Variants in BCL2 observed in about 807,000 individuals in gnomAD.
BCL2 encodes the protein BCL2 apoptosis regulator, also known as apoptosis regulator Bcl-2.
BCL2 carries 1 observed loss-of-function variant against 14.2 expected under a neutral mutation model. The ratio of observed to expected loss-of-function variants is 0.07; its 90% CI spans 0.02 to 0.33. The LOEUF (loss-of-function observed/expected upper bound fraction) is 0.33. Among genes scored for constraint, BCL2 ranks in the 10% least tolerant of loss-of-function variants. BCL2 has a pLI of 0.99. For missense variants in BCL2, 247 were observed against 305.9 expected (o/e 0.81, Z 1.44); for synonymous variants, 151 against 137.2 (o/e 1.10, Z -0.70).
chr18:63,242,833 G>A (rs1297723506), intron 2 of BCL2, among the ~76,000 whole-genome samples: 1 of 152,144 alleles, frequency 6.6e-6, no homozygotes, highest in Non-Finnish European at 1.5e-5. Context: ...CTGGGTTTGG[G>A]GTAAGATGTA....
At position 63,318,373 on chromosome 18, in the gene BCL2, G is replaced by T; in HGVS notation, c.294C>A (p.Arg98=). 6.2e-7 allele frequency: 1 copy of T among 1,600,762 alleles called. No individual in the cohort carries two copies. Among genetic ancestry groups the T allele is most frequent in the South Asian group, 1.1e-5 (1 of 88,696 alleles). ...GGCGGGAGAAGTCGTCGCCGGCCTG[G>T]CGGAGGGTCAGGTGGACCACAGGTG... ...PVPPVVHLTL[R]QAGDDFSRRY... Residue 98 remains arginine (R), a synonymous_variant, in exon 2 of 3, where the codon CGC becomes CGA. Coordinates refer to ENST00000333681, the MANE Select transcript of BCL2 (RefSeq NM_000633.3). The surrounding 1 kb of genome is among the most constrained non-coding windows in gnomAD (Gnocchi z 7.4).
At chr18:63,271,927 G>T (rs1191837919) in intron 2 of BCL2, among the ~76,000 whole-genome samples, 1 of 152,214 alleles carries the variant, frequency 6.6e-6, no homozygotes, top group Non-Finnish European at 1.5e-5. Context: ...CACCGTGCAG[G>T]TACGTAAGAA....
In BCL2 at chr18:63,123,944, A is replaced by G. The variant is rs1163657013; in HGVS notation, c.*4681T>C. On this transcript the variant is annotated 3_prime_UTR_variant, in exon 3 of 3. Coordinates refer to ENST00000333681, the MANE Select transcript of BCL2 (RefSeq NM_000633.3). ...TTTTCTTGATTGAGCGAGCCTTTCC[A>G]TCCTCCACCAGTGTTCCCATCTTCT... 9.1e-6 allele frequency: 2 copies of G among 220,990 alleles called. No individual in the cohort carries two copies. Among genetic ancestry groups the G allele is most frequent in the Non-Finnish European group, 9.1e-6 (1 of 110,346 alleles). 13.7% of individuals were successfully genotyped at this position (220,990 alleles called of 1,614,324 possible).
At chr18:63,250,701 A>G (rs1911285843) in intron 2 of BCL2, among the ~76,000 whole-genome samples, 1 of 152,166 alleles carries the variant, frequency 6.6e-6, no homozygotes, top group South Asian at 2.1e-4. Flanking sequence ...TTTTCTTCCC[A>G]CTTACTAGGG....
At chr18:63,211,710 C>T (rs1160428850) in intron 2 of BCL2, among the ~76,000 whole-genome samples, 1 of 152,144 alleles carries the variant, frequency 6.6e-6, no homozygotes, top group Non-Finnish European at 1.5e-5. Flanking sequence ...TTCTTTTGCT[C>T]CTGAACAGCA....
At chr18:63,140,872 T>C (rs1369189872) in intron 2 of BCL2, among the ~76,000 whole-genome samples, 1 of 152,232 alleles carries the variant, frequency 6.6e-6, no homozygotes, top group Non-Finnish European at 1.5e-5. Context: ...ACTATTTTTA[T>C]ACCATATGGA....
chr18:63,245,572 G>C (rs1911129907), intron 2 of BCL2, among the ~76,000 whole-genome samples: 1 of 152,132 alleles, frequency 6.6e-6, no homozygotes, highest in African/African-American at 2.4e-5. Flanking sequence ...TGGCGGTGGT[G>C]GTTACAGGAA....
intron 2 of BCL2, chr18:63,317,238 A>G (rs1421731158): frequency 6.6e-6 from 1 of 152,342 alleles, no homozygotes; most frequent in East Asian, 1.9e-4. Context: ...ACCTAGATGC[A>G]AATTTTTTTC....
intron 2 of BCL2, among the ~76,000 whole-genome samples, chr18:63,135,568 G>A (rs974151577): frequency 2.6e-5 from 4 of 152,108 alleles, no homozygotes; most frequent in Non-Finnish European, 5.9e-5. Context: ...GGATCATTGG[G>A]CAAGAATTAC....
intron 2 of BCL2, among the ~76,000 whole-genome samples, chr18:63,165,111 A>G (rs992100677): frequency 6.6e-6 from 1 of 152,352 alleles, no homozygotes. Flanking sequence ...GAATATTTTT[A>G]TTAATTCAAT....
intron 2 of BCL2, among the ~76,000 whole-genome samples, chr18:63,146,495 A>T (rs572722333): frequency 9.2e-5 from 14 of 152,374 alleles, no homozygotes; most frequent in African/African-American, 2.9e-4. Context: ...AGTCAGCCAG[A>T]GGCCCGCTCT....
chr18:63,284,597 A>G (rs1250436170), intron 2 of BCL2, among the ~76,000 whole-genome samples: 1 of 152,244 alleles, frequency 6.6e-6, no homozygotes, highest in Non-Finnish European at 1.5e-5. Context: ...AGCAGCTCCC[A>G]GCACTCGACA....
At chr18:63,143,578 C>T (rs540340281) in intron 2 of BCL2, among the ~76,000 whole-genome samples, 1 of 152,366 alleles carries the variant, frequency 6.6e-6, no homozygotes, top group Non-Finnish European at 1.5e-5. Flanking sequence ...CAGCTTGCAG[C>T]GGCGAGCCTG....
intron 2 of BCL2, among the ~76,000 whole-genome samples, chr18:63,168,420 T>A (rs1915097016): frequency 6.6e-6 from 1 of 152,112 alleles, no homozygotes; most frequent in South Asian, 2.1e-4. Flanking sequence ...CTGCCACCTG[T>A]CAACACTGGA....
At chr18:63,281,677 A>C (rs1486282700) in intron 2 of BCL2, among the ~76,000 whole-genome samples, 1 of 35,404 alleles carries the variant, frequency 2.8e-5, no homozygotes, top group Non-Finnish European at 8.8e-5. Context: ...AGAAAGAAAG[A>C]AAGAAAGAAA....
At chr18:63,316,318 G>C (rs1281170942) in intron 2 of BCL2, 1 of 152,108 alleles carries the variant, frequency 6.6e-6, no homozygotes, top group Non-Finnish European at 1.5e-5. Context: ...ATTTCAAGTA[G>C]AAAGAAAATT....
chr18:63,318,969 AAAAC>A lies in BCL2; in HGVS notation c.-286-21_-286-18del. The A allele has an allele frequency of 7.8e-7, 1 of 1,275,434 alleles. No homozygotes were observed. Among genetic ancestry groups the A allele is most frequent in the Non-Finnish European group, 1.0e-6 (1 of 1,001,170 alleles). The allele number at this position is 1,275,434 out of a possible 1,614,324, so 79.0% of individuals were successfully genotyped here. ...TCTGTGATGCTGAAAGGTTAAAGAA[AAAAC>A]AAACTAATAAGTAAAAAATCAGGTG... On this transcript the variant is annotated intron_variant, in intron 1 of 2. Transcript: ENST00000333681. The surrounding 1 kb of genome is among the most constrained non-coding windows in gnomAD (Gnocchi z 7.4).
chr18:63,275,838 G>A (rs1912136532), intron 2 of BCL2, among the ~76,000 whole-genome samples: 1 of 152,210 alleles, frequency 6.6e-6, no homozygotes, highest in Non-Finnish European at 1.5e-5. Flanking sequence ...AGGAAAGGAA[G>A]GTCTCCTGGC....
chr18:63,245,464 A>T (rs540574623), intron 2 of BCL2, among the ~76,000 whole-genome samples: 1 of 152,352 alleles, frequency 6.6e-6, no homozygotes, highest in South Asian at 2.1e-4. Flanking sequence ...TATGATTCAG[A>T]CTAAAAGCAG....
Sources: allele counts gnomAD v4.1 joint callset (sites outside exome capture counted in the v4.1 genomes callset), GRCh38; gene constraint gnomAD v4.1.1; non-coding constraint Gnocchi (gnomAD v3.1); transcripts MANE v1.5; gene names NCBI Gene and HGNC (gene_info 2026-07-23, HGNC 2026-07-21).